The following PTPRD variants were observed in gnomAD, a reference collection of about 807,000 sequenced individuals.
The protein encoded by PTPRD is protein tyrosine phosphatase receptor type D.
A neutral mutation model predicts 214.5 loss-of-function variants in PTPRD; 34 were observed. The observed-to-expected ratio is 0.16, with a 90% CI of 0.12 to 0.21. The LOEUF (loss-of-function observed/expected upper bound fraction) is 0.21, where lower values mean the gene tolerates loss of function less well. PTPRD is among the 10% of genes least tolerant of loss of function. PTPRD has a pLI of 1.00. For synonymous variants in PTPRD, 1,128 were observed against 845.7 expected (o/e 1.33, Z -5.79); for missense variants, 2,545 against 2,398.7 (o/e 1.06, Z -1.27).
rs1408980076 is a variant in PTPRD, at chr9:9,502,988, T to C, written c.-237+71744A>G. Among the ~76,000 whole-genome samples the C allele has an allele frequency of 2.0e-5, 3 of 151,776 alleles. No homozygotes were observed. In the South Asian group the frequency reaches 6.2e-4, roughly 31 times the overall value. On this transcript the variant is annotated intron_variant, in intron 8 of 45. Transcript: ENST00000381196. ...GTGATGGAAATATCTTGTGTCTTGA[T>C]TGGTGGGCAGACTACACAGGTTAAT... is the stretch of plus-strand genomic sequence containing the variant.
intron 2 of PTPRD, among the ~76,000 whole-genome samples, chr9:10,457,864 AT>A (rs1371491732): frequency 6.6e-6 from 1 of 152,100 alleles, no homozygotes; most frequent in Non-Finnish European, 1.5e-5. Flanking sequence ...AACTAAACAA[AT>A]AGAGATAAGA....
At chr9:10,246,164 T>G (rs2092051683) in intron 3 of PTPRD, among the ~76,000 whole-genome samples, 2 of 152,180 alleles carry the variant, frequency 1.3e-5, no homozygotes, top group South Asian at 4.1e-4. Flanking sequence ...ATAAAAGCTT[T>G]GGAAATGTAT....
chr9:10,252,327 G>C (rs140566969), intron 3 of PTPRD, among the ~76,000 whole-genome samples: 26 of 152,182 alleles, frequency 1.7e-4, no homozygotes, highest in African/African-American at 6.3e-4. Context: ...TCTTCTTGCT[G>C]TTGGAATCCA....
At chr9:9,495,973 T>C (rs1370291063) in intron 8 of PTPRD, among the ~76,000 whole-genome samples, 1 of 152,180 alleles carries the variant, frequency 6.6e-6, no homozygotes, top group African/African-American at 2.4e-5. Flanking sequence ...AGGCCCCGCA[T>C]GAAGCTTGCT....
At chr9:10,552,226 G>A (rs543985209) in intron 2 of PTPRD, among the ~76,000 whole-genome samples, 21 of 151,468 alleles carry the variant, frequency 1.4e-4, no homozygotes, top group African/African-American at 3.1e-4. Flanking sequence ...CAGGCCATTC[G>A]ACACTAATAG....
intron 8 of PTPRD, among the ~76,000 whole-genome samples, chr9:9,561,521 C>T (rs1383627684): frequency 6.6e-6 from 1 of 152,134 alleles, no homozygotes; most frequent in Non-Finnish European, 1.5e-5. Flanking sequence ...TATCATCAAA[C>T]CATTTGGGGT....
At chr9:9,646,130 T>A (rs141184256) in intron 7 of PTPRD, among the ~76,000 whole-genome samples, 2 of 152,324 alleles carry the variant, frequency 1.3e-5, no homozygotes, top group African/African-American at 2.4e-5. Flanking sequence ...CCATTTGTGA[T>A]AGTATTCCCT....
At chr9:9,587,867 G>C (rs751165854) in intron 7 of PTPRD, among the ~76,000 whole-genome samples, 4 of 151,954 alleles carry the variant, frequency 2.6e-5, no homozygotes, top group Non-Finnish European at 4.4e-5. Context: ...GTTGGAATTG[G>C]AGGATAAAGA....
In PTPRD at chr9:9,330,346, T is replaced by C. The variant is rs190333950; in HGVS notation, c.-203+67103A>G. Among the ~76,000 whole-genome samples, 7 of 152,240 alleles carry C rather than the reference T, an allele frequency of 4.6e-5. No homozygotes were observed. The East Asian group carries it at 1.4e-3, about 29-fold the overall frequency. On this transcript the variant is annotated intron_variant, in intron 9 of 45. Coordinates refer to ENST00000381196, the MANE Select transcript of PTPRD (RefSeq NM_002839.4). ...CTGATTGAAGCTGTATAAGAAGAAA[T>C]ACATATACATATTCTCTCCACCTGC...
intron 9 of PTPRD, among the ~76,000 whole-genome samples, chr9:9,301,176 A>T (rs910815187): frequency 6.6e-5 from 10 of 151,878 alleles, no homozygotes; most frequent in Admixed American, 3.3e-4. Context: ...CTAATTTTAC[A>T]TATATGATTA....
At chr9:10,397,974 A>G (rs2098203068) in intron 2 of PTPRD, among the ~76,000 whole-genome samples, 1 of 151,890 alleles carries the variant, frequency 6.6e-6, no homozygotes, top group African/African-American at 2.4e-5. Context: ...GGAGCAGGTA[A>G]AATTAATACA....
At chr9:10,334,831 A>G (rs1207919063) in intron 3 of PTPRD, among the ~76,000 whole-genome samples, 3 of 151,676 alleles carry the variant, frequency 2.0e-5, no homozygotes, top group African/African-American at 7.3e-5. Flanking sequence ...CTAAAAATAC[A>G]ATATTATTTA....
intron 14 of PTPRD, among the ~76,000 whole-genome samples, chr9:8,600,303 G>C (rs185229121): frequency 1.3e-5 from 2 of 152,152 alleles, no homozygotes; most frequent in Admixed American, 1.3e-4. Context: ...AGCACTCTGA[G>C]GCCGTATGTG....
At chr9:8,529,608 A>G (rs1435357903) in intron 14 of PTPRD, among the ~76,000 whole-genome samples, 2 of 152,286 alleles carry the variant, frequency 1.3e-5, no homozygotes, top group Admixed American at 1.3e-4. Flanking sequence ...AAACTGTTCC[A>G]GATCCCAGCT....
At chr9:9,324,769 G>T (rs905847076) in intron 9 of PTPRD, among the ~76,000 whole-genome samples, 1 of 152,126 alleles carries the variant, frequency 6.6e-6, no homozygotes, top group Admixed American at 6.6e-5. Flanking sequence ...CCTTGCCCAT[G>T]CCTATGTCCT....
At chr9:9,320,267 C>A (rs1343297161) in intron 9 of PTPRD, among the ~76,000 whole-genome samples, 2 of 150,968 alleles carry the variant, frequency 1.3e-5, no homozygotes, top group African/African-American at 2.4e-5. Flanking sequence ...CTTTTTTTTT[C>A]CCTCACATAT....
At chr9:8,543,251 A>C (rs1593233524) in intron 14 of PTPRD, among the ~76,000 whole-genome samples, 2 of 152,200 alleles carry the variant, frequency 1.3e-5, no homozygotes, top group East Asian at 3.8e-4. Flanking sequence ...CATTGTTATA[A>C]ATTTGGGAAA....
intron 39 of PTPRD, among the ~76,000 whole-genome samples, chr9:8,343,903 G>A (rs1854967892): frequency 6.6e-6 from 1 of 152,054 alleles, no homozygotes; most frequent in African/African-American, 2.4e-5. Context: ...TTCAGACCAT[G>A]CAAAATCCTA....
intron 11 of PTPRD, among the ~76,000 whole-genome samples, chr9:8,881,349 G>A (rs1450026557): frequency 2.0e-5 from 3 of 152,094 alleles, no homozygotes; most frequent in African/African-American, 7.2e-5. Flanking sequence ...GAATATTTTT[G>A]TAAGGAACTC....
Sources: allele counts gnomAD v4.1 joint callset (sites outside exome capture counted in the v4.1 genomes callset), GRCh38; gene constraint gnomAD v4.1.1; transcripts MANE v1.5; gene names NCBI Gene and HGNC (gene_info 2026-07-23, HGNC 2026-07-21).